COX15: variants seen among roughly 807,000 people sequenced by gnomAD.
COX15 encodes the protein heme A synthase COX15.
In COX15, 51 loss-of-function variants were observed where a neutral mutation model predicts 51.9. The observed-to-expected ratio is 0.98, with a 90% CI of 0.78 to 1.24. COX15 has a LOEUF of 1.24. Ranked by LOEUF, COX15 falls within the 50% of genes most tolerant of loss-of-function variation. COX15 has a pLI of 0.00. For synonymous variants in COX15, 188 were observed against 190.5 expected, an observed-to-expected ratio of 0.99 and a Z score of 0.11; for missense variants, 420 against 501.1, an observed-to-expected ratio of 0.84 and a Z score of 1.55.
chr10:99,701,056 C>G, the COX15 span: 2 of 1,613,394 alleles, frequency 1.2e-6, no homozygotes, highest in Non-Finnish European at 1.7e-6. Flanking sequence ...AGCATCGACT[C>G]AAGTAAGTTA....
downstream of COX15, chr10:99,709,758 C>T (rs2036326545): frequency 9.1e-6 from 9 of 985,194 alleles, no homozygotes; most frequent in African/African-American, 1.6e-4. Flanking sequence ...TCCTTATATC[C>T]TAATAGACTT....
intron 1 of COX15, among the ~76,000 whole-genome samples, chr10:99,730,283 T>C (rs1163372992): frequency 6.6e-6 from 1 of 152,182 alleles, no homozygotes; most frequent in Non-Finnish European, 1.5e-5. Context: ...CCTCATAGAA[T>C]GTACTTACAC....
the COX15 span, chr10:99,701,094 TA>T: frequency 6.6e-7 from 1 of 1,511,178 alleles, no homozygotes; most frequent in Non-Finnish European, 9.2e-7. Context: ...GATGTGGACT[TA>T]AAATCTAGAT....
chr10:99,732,067 G>A lies in COX15; in HGVS notation c.-18C>T, dbSNP rs1217347821. 6.2e-7 allele frequency: 1 copy of A among 1,609,622 alleles called. No individual in the cohort carries two copies. The highest frequency in any genetic ancestry group is 8.5e-7 in the Non-Finnish European group (1 of 1,178,066). On this transcript the variant is annotated 5_prime_UTR_variant, in exon 1 of 9. Coordinates refer to ENST00000016171, the MANE Select transcript of COX15 (RefSeq NM_078470.6). ...CGCTGCATACTGATGACAGGGAACAGCCACCTCTTCCACAACCCAGGGCTC... is the reference window on the plus strand; with the variant it reads ...CGCTGCATACTGATGACAGGGAACAACCACCTCTTCCACAACCCAGGGCTC...
chr10:99,726,255 C>T (rs1292419113), intron 4 of COX15, among the ~76,000 whole-genome samples: 1 of 152,054 alleles, frequency 6.6e-6, no homozygotes, highest in African/African-American at 2.4e-5. Context: ...CTATAGCAGA[C>T]AAGTTAGAAA....
At chr10:99,722,586 A>G (rs2300986) in intron 5 of COX15, among the ~76,000 whole-genome samples, 127,868 of 152,020 alleles carry the variant, frequency 0.84, 54,011 homozygotes, top group Middle Eastern at 0.92. Flanking sequence ...TAATCCCAGA[A>G]CTTTGGGAGG....
At chr10:99,701,144 G>C in the COX15 span, 1 of 1,180,096 alleles carries the variant, frequency 8.5e-7, no homozygotes, top group Non-Finnish European at 1.3e-6. Flanking sequence ...ATGCAGATTA[G>C]ATTTCATGTT....
Position 99,711,600 on chromosome 10 carries a change from A to C in COX15, c.*2987T>G, listed in dbSNP as rs1564642158. On this transcript the variant is annotated 3_prime_UTR_variant, in exon 9 of 9. Transcript: ENST00000016171. ...GTCCCTAGACTTGTCTGCACATTGGAATCACCTGGGGAACTTTAAAAATAT... is the reference window on the plus strand; with the variant it reads ...GTCCCTAGACTTGTCTGCACATTGGCATCACCTGGGGAACTTTAAAAATAT... The C allele has an allele frequency of 1.0e-6, 1 of 985,066 alleles. No individual in the cohort carries two copies. Among genetic ancestry groups the C allele is most frequent in the Non-Finnish European group, 1.2e-6 (1 of 829,636 alleles). 61.0% of individuals were successfully genotyped at this position (985,066 alleles called of 1,614,324 possible).
intron 4 of COX15, among the ~76,000 whole-genome samples, chr10:99,726,684 G>A (rs1280387568): frequency 6.6e-6 from 1 of 151,908 alleles, no homozygotes; most frequent in Admixed American, 6.6e-5. Flanking sequence ...TCAGGAGATC[G>A]AGACCATCCT....
At position 99,712,449 on chromosome 10, in the gene COX15, T is replaced by C; in HGVS notation, c.*2138A>G. 5.1e-6 allele frequency: 5 copies of C among 985,340 alleles called. No individual in the cohort carries two copies. Among genetic ancestry groups the C allele is most frequent in the Non-Finnish European group, 6.0e-6 (5 of 829,880 alleles). 61.0% of individuals were successfully genotyped at this position (985,340 alleles called of 1,614,324 possible). A position where few individuals can be genotyped will look rare whatever the true frequency, so the allele number is the denominator to read the frequency against. On this transcript the variant is annotated 3_prime_UTR_variant, in exon 9 of 9. Coordinates refer to ENST00000016171, the MANE Select transcript of COX15 (RefSeq NM_078470.6). ...TGGCTTATTTTTAAAAAACAGAAGA[T>C]TTGCTGACTTAAACACTGCAAAATT...
chr10:99,712,121 C>T lies in COX15; in HGVS notation c.*2466G>A. ...AAGTCATACATAAGGGATCCGCCCCCATGACCCAAATACCTCCTACTAGGC... is the reference window on the plus strand; with the variant it reads ...AAGTCATACATAAGGGATCCGCCCCTATGACCCAAATACCTCCTACTAGGC... On this transcript the variant is annotated 3_prime_UTR_variant, in exon 9 of 9. Coordinates refer to ENST00000016171, the MANE Select transcript of COX15 (RefSeq NM_078470.6). The T allele has an allele frequency of 3.3e-6, 2 of 604,922 alleles. No individual in the cohort carries two copies. The highest frequency in any genetic ancestry group is 4.1e-6 in the Non-Finnish European group (2 of 482,342). 37.5% of individuals were successfully genotyped at this position (604,922 alleles called of 1,614,324 possible). A position where few individuals can be genotyped will look rare whatever the true frequency, so the allele number is the denominator to read the frequency against.
the COX15 span, chr10:99,698,937 C>A: frequency 1.5e-6 from 2 of 1,343,950 alleles, no homozygotes; most frequent in Non-Finnish European, 2.0e-6. Flanking sequence ...AGGTGCTGTG[C>A]AAAGGGCTTT....
chr10:99,722,013 G>A (rs919754316), intron 5 of COX15, among the ~76,000 whole-genome samples: 2 of 151,934 alleles, frequency 1.3e-5, no homozygotes, highest in African/African-American at 2.4e-5. Context: ...ACAGGTGCGC[G>A]CCACTATTGC....
chr10:99,720,851 G>GA, intron 6 of COX15, 136 bp downstream of exon 6: 1 of 757,062 alleles, frequency 1.3e-6, no homozygotes, highest in African/African-American at 1.7e-5. Context: ...AGGAAACAGG[G>GA]TGAAGATGGG....
downstream of COX15, among the ~76,000 whole-genome samples, chr10:99,707,799 G>A (rs936595983): frequency 6.6e-6 from 1 of 152,162 alleles, no homozygotes; most frequent in Non-Finnish European, 1.5e-5. Context: ...ACCCATTTAT[G>A]TGGCATTTCA....
At chr10:99,726,287 G>A (rs942954919) in intron 4 of COX15, among the ~76,000 whole-genome samples, 1 of 152,134 alleles carries the variant, frequency 6.6e-6, no homozygotes, top group African/African-American at 2.4e-5. Context: ...CAAGAACCTA[G>A]GGAGACACCC....
In COX15 at chr10:99,716,420, G is replaced by A. The variant is rs757725009; in HGVS notation, c.1029C>T (p.Leu343=). The A allele has an allele frequency of 6.2e-7, 1 of 1,614,028 alleles. No homozygotes were observed. Among genetic ancestry groups the A allele is most frequent in the African/African-American group, 1.3e-5 (1 of 75,034 alleles). The part of the protein sequence containing the change: ...SVTAITVLYF[L]SRRIPLPRRT... ...TTCTAGGAAGGGGAATTCTCCGAGAGAGGAAGTAGAGCACTGTAATGGCAG... is the reference window on the plus strand; with the variant it reads ...TTCTAGGAAGGGGAATTCTCCGAGAAAGGAAGTAGAGCACTGTAATGGCAG... Residue 343 remains leucine (L), a synonymous_variant, in exon 8 of 9, where the codon CTC becomes CTT. Coordinates refer to ENST00000016171, the MANE Select transcript of COX15 (RefSeq NM_078470.6).
chr10:99,698,135 C>T, the COX15 span, among the ~76,000 whole-genome samples: 1 of 152,202 alleles, frequency 6.6e-6, no homozygotes, highest in East Asian at 1.9e-4. Flanking sequence ...TCAGGAATCT[C>T]TCCCCACAGT....
intron 4 of COX15, among the ~76,000 whole-genome samples, chr10:99,725,708 C>A (rs923518147): frequency 6.6e-6 from 1 of 152,172 alleles, no homozygotes; most frequent in Non-Finnish European, 1.5e-5. Flanking sequence ...TACAGGCCCA[C>A]GCCAGCATGC....
Sources: gnomAD v4.1 joint callset for allele counts (sites outside exome capture counted in the v4.1 genomes callset) on GRCh38, gnomAD v4.1.1 for gene constraint, MANE v1.5 for transcripts, NCBI Gene and HGNC (gene_info 2026-07-23, HGNC 2026-07-21) for gene names.